The following ANO4 variants were observed in gnomAD, a reference collection of about 807,000 sequenced individuals.
ANO4 encodes the protein anoctamin-4.
ANO4 carries 69 observed loss-of-function variants against 141.9 expected under a neutral mutation model. The observed-to-expected ratio is 0.49, with a 90% confidence interval of 0.40 to 0.59. The LOEUF is 0.59. ANO4 is among the 20% of genes least tolerant of loss of function. ANO4 has a pLI of 0.00. For synonymous variants in ANO4, 350 were observed against 394.3 expected (o/e 0.89, Z 1.33); for missense variants, 894 against 1,162.2 (o/e 0.77, Z 3.36).
At position 101,128,250 on chromosome 12, in the gene ANO4, G is replaced by A. The variant is rs2051408125; in HGVS notation, c.*394G>A. The A allele has an allele frequency of 6.6e-6, 1 of 152,580 alleles. No homozygotes were observed. The highest frequency in any genetic ancestry group is 1.5e-5 in the Non-Finnish European group (1 of 68,026). The allele number at this position is 152,580 out of a possible 1,614,324, so 9.5% of individuals were successfully genotyped here. ...GCTAAAAAGGGTATTCAGACACATGGACACACATTCCTAGAATGTCATCAT... is the reference window on the plus strand; with the variant it reads ...GCTAAAAAGGGTATTCAGACACATGAACACACATTCCTAGAATGTCATCAT... On this transcript the variant is annotated 3_prime_UTR_variant, in exon 28 of 28. Transcript: ENST00000392977.
intron 1 of ANO4, among the ~76,000 whole-genome samples, chr12:100,800,892 C>T (rs967857239): frequency 1.3e-5 from 2 of 152,236 alleles, no homozygotes; most frequent in Non-Finnish European, 2.9e-5. Context: ...TTACAGTGCT[C>T]TCACTTGCCT....
At chr12:100,732,834 G>C (rs559426156) in intron 1 of ANO4, among the ~76,000 whole-genome samples, 5 of 152,130 alleles carry the variant, frequency 3.3e-5, no homozygotes, top group Admixed American at 2.0e-4. Flanking sequence ...CACCTACCTC[G>C]TGCACGAAAT....
chr12:100,829,503 G>A (rs534852918), intron 1 of ANO4, among the ~76,000 whole-genome samples: 5 of 152,162 alleles, frequency 3.3e-5, no homozygotes, highest in African/African-American at 1.2e-4. Context: ...GGAGGAATTT[G>A]AACTGGACTT....
chr12:100,957,741 C>T (rs2043228686), intron 5 of ANO4, among the ~76,000 whole-genome samples: 1 of 152,246 alleles, frequency 6.6e-6, no homozygotes, highest in South Asian at 2.1e-4. Flanking sequence ...CAGGCGTACA[C>T]CGCCAAGCCC....
intron 21 of ANO4, 113 bp from the exon 22 acceptor site, chr12:101,099,465 C>A (rs2050108927): frequency 2.1e-6 from 2 of 974,064 alleles, no homozygotes; most frequent in African/African-American, 1.7e-5. Flanking sequence ...TCTTTGATAG[C>A]CTGTCCTGAA....
intron 9 of ANO4, among the ~76,000 whole-genome samples, chr12:101,031,203 C>T (rs1242069692): frequency 3.3e-5 from 5 of 152,076 alleles, no homozygotes; most frequent in African/African-American, 7.2e-5. Flanking sequence ...ACTGGCAAAC[C>T]GAATACAGCA....
chr12:101,086,908 G>A, intron 17 of ANO4, 84 bp downstream of exon 17: 1 of 1,495,462 alleles, frequency 6.7e-7, no homozygotes, highest in Non-Finnish European at 9.1e-7. Flanking sequence ...AAGGGGATCT[G>A]GCCTCAGAGA....
At chr12:100,829,329 T>G (rs1437382602) in intron 1 of ANO4, among the ~76,000 whole-genome samples, 1 of 152,106 alleles carries the variant, frequency 6.6e-6, no homozygotes, top group Non-Finnish European at 1.5e-5. Context: ...TTCTATCCCA[T>G]AAAGTTATTG....
chr12:101,125,730 C>A (rs948144879), intron 26 of ANO4, among the ~76,000 whole-genome samples: 2 of 152,050 alleles, frequency 1.3e-5, no homozygotes, highest in Non-Finnish European at 2.9e-5. Context: ...ACTTTTTATC[C>A]CAGGGATGAA....
intron 17 of ANO4, among the ~76,000 whole-genome samples, chr12:101,088,854 C>A (rs968219029): frequency 6.6e-6 from 1 of 151,804 alleles, no homozygotes; most frequent in African/African-American, 2.4e-5. Flanking sequence ...CACCACTGAA[C>A]CCTAGCCTGG....
intron 9 of ANO4, among the ~76,000 whole-genome samples, chr12:101,033,801 AAAC>A (rs1306696112): frequency 6.6e-6 from 1 of 152,172 alleles, no homozygotes. Flanking sequence ...ACAAGAGAAA[AAAC>A]AACCCCATGA....
chr12:100,928,404 C>T (rs2041962736), intron 3 of ANO4, among the ~76,000 whole-genome samples: 1 of 152,032 alleles, frequency 6.6e-6, no homozygotes, highest in African/African-American at 2.4e-5. Flanking sequence ...CTTTATTCCT[C>T]AATCATTCAT....
At chr12:100,823,335 A>G (rs2135744053) in intron 1 of ANO4, among the ~76,000 whole-genome samples, 1 of 152,198 alleles carries the variant, frequency 6.6e-6, no homozygotes, top group Admixed American at 6.5e-5. Flanking sequence ...ATCACAAGAA[A>G]TAATAAGTGG....
chr12:100,745,943 T>C (rs1034832325), intron 3 of ANO4, among the ~76,000 whole-genome samples: 10 of 152,070 alleles, frequency 6.6e-5, no homozygotes, highest in Non-Finnish European at 1.2e-4. Context: ...AGAAACAAAT[T>C]GTGGATAGAC....
intron 8 of ANO4, among the ~76,000 whole-genome samples, chr12:100,994,580 C>T (rs887400644): frequency 5.9e-5 from 9 of 152,132 alleles, no homozygotes; most frequent in African/African-American, 2.2e-4. Flanking sequence ...AAAATGTTCT[C>T]CCCTGCATTT....
At chr12:100,934,480 A>G (rs1263221636) in intron 3 of ANO4, among the ~76,000 whole-genome samples, 1 of 151,854 alleles carries the variant, frequency 6.6e-6, no homozygotes, top group African/African-American at 2.4e-5. Flanking sequence ...TACCAGTACC[A>G]TGCTGTTTTG....
Position 100,987,585 on chromosome 12 carries a change from C to G in ANO4, c.649C>G (p.Pro217Ala). Reference sequence around the variant, plus strand: ...GTTTCGGAGATGGTTACCTAAGAAGCCAATGAGGCTGGACAAGGAGACACT... The same window carrying G: ...GTTTCGGAGATGGTTACCTAAGAAGGCAATGAGGCTGGACAAGGAGACACT... The part of the protein sequence containing the change: ...SRFRRWLPKK[P>A]MRLDKETLPD... The change falls in exon 8 of 28, where the codon CCA becomes GCA. Residue 217 changes from proline to alanine, a missense_variant. Physicochemically the swap from Pro to Ala is conservative, Grantham distance 27. Coordinates refer to ENST00000392977, the MANE Select transcript of ANO4 (RefSeq NM_001286615.2). The G allele has an allele frequency of 6.2e-7, 1 of 1,614,028 alleles. No homozygotes were observed. The highest frequency in any genetic ancestry group is 1.1e-5 in the South Asian group (1 of 91,072).
rs1244888591 is a variant in ANO4 at position 100,942,510 on chromosome 12, C to T, written c.431C>T (p.Ala144Val). ...GAAGTATTTGAAAGAAACATTAGAGCAGAAGGATTGCAAATGGAGAAAGAG... is the reference window on the plus strand; with the variant it reads ...GAAGTATTTGAAAGAAACATTAGAGTAGAAGGATTGCAAATGGAGAAAGAG... ...KREVFERNIR[A>V]EGLQMEKESS... The change falls in exon 5 of 28, where the codon GCA becomes GTA. Residue 144 changes from alanine (A) to valine (V), a missense_variant. Ala to Val is a moderately conservative substitution (Grantham distance 64). Coordinates refer to ENST00000392977, the MANE Select transcript of ANO4 (RefSeq NM_001286615.2). 1 of 1,613,542 alleles carries T rather than the reference C, an allele frequency of 6.2e-7. No individual in the cohort carries two copies. Among genetic ancestry groups the T allele is most frequent in the East Asian group, 2.2e-5 (1 of 44,848 alleles).
At chr12:100,966,420 T>A (rs2043656528) in intron 5 of ANO4, among the ~76,000 whole-genome samples, 1 of 152,182 alleles carries the variant, frequency 6.6e-6, no homozygotes, top group African/African-American at 2.4e-5. Flanking sequence ...TGAATATAAA[T>A]ATGTGAAATC....
Sources: gnomAD v4.1 joint callset for allele counts (sites outside exome capture counted in the v4.1 genomes callset) on GRCh38, gnomAD v4.1.1 for gene constraint, MANE v1.5 for transcripts, NCBI Gene and HGNC (gene_info 2026-07-23, HGNC 2026-07-21) for gene names.